Variants in RYR2 observed in about 807,000 individuals in gnomAD.
RYR2 encodes the protein ryanodine receptor 2.
Under a neutral mutation model 601.1 loss-of-function variants are expected in RYR2, and 227 were observed. The observed-to-expected ratio is 0.38, with a 90% CI of 0.34 to 0.42. RYR2 has a LOEUF of 0.42. Ranked by LOEUF, RYR2 falls within the 10% of genes least tolerant of loss-of-function variation. The pLI is 1.00. For missense variants in RYR2, 4,646 were observed against 6,156.5 expected, an observed-to-expected ratio of 0.75 and a Z score of 8.21; for synonymous variants, 2,223 against 2,175.1, an observed-to-expected ratio of 1.02 and a Z score of -0.61.
In RYR2 at chr1:237,739,713, C is replaced by T. The variant is rs1023391952; in HGVS notation, c.11092-2583C>T. On this transcript the variant is annotated intron_variant, in intron 79 of 104. Transcript: ENST00000366574. ...TTCTCTCTTCTGTCTCACCCATGAG[C>T]TCTCTGTTAGTCAGATTTAAATCCA... Among the ~76,000 whole-genome samples the T allele has an allele frequency of 2.0e-5, 3 of 152,186 alleles. No homozygotes were observed. The East Asian group carries it at 5.8e-4, about 29-fold the overall frequency.
intron 2 of RYR2, among the ~76,000 whole-genome samples, chr1:237,329,714 A>G (rs1417255763): frequency 6.6e-6 from 1 of 152,138 alleles, no homozygotes. Context: ...TCCTACGTGC[A>G]TATATTGTGT....
chr1:237,638,164 G>A (rs1470580301), intron 44 of RYR2, among the ~76,000 whole-genome samples, 193 bp from the exon 45 acceptor site: 2 of 151,548 alleles, frequency 1.3e-5, no homozygotes, highest in Non-Finnish European at 2.9e-5. Context: ...ATTTTATGAC[G>A]ATATTTAAAT....
intron 2 of RYR2, among the ~76,000 whole-genome samples, chr1:237,300,661 G>A (rs960612060): frequency 7.9e-5 from 12 of 152,120 alleles, no homozygotes; most frequent in African/African-American, 2.9e-4. Context: ...AAAGCGCTTC[G>A]CTCCTCATCT....
intron 44 of RYR2, among the ~76,000 whole-genome samples, chr1:237,636,704 T>G (rs1434613145): frequency 1.3e-5 from 2 of 152,184 alleles, no homozygotes; most frequent in Admixed American, 1.3e-4. Context: ...AAGGAAAATA[T>G]ATGTCCACAC....
intron 1 of RYR2, among the ~76,000 whole-genome samples, chr1:237,182,103 G>GTTTGTTTATTTA (rs371289277): frequency 1.9e-4 from 28 of 148,662 alleles, no homozygotes; most frequent in East Asian, 1.6e-3. Flanking sequence ...ACTCCCTGGG[G>GTTTGTTTATTTA]TTTATTTATT....
At chr1:237,768,244 G>A (rs1156367311) in intron 84 of RYR2, among the ~76,000 whole-genome samples, 3 of 152,022 alleles carry the variant, frequency 2.0e-5, no homozygotes, top group African/African-American at 2.4e-5. Context: ...AATTCAAATC[G>A]CTTTATTCAG....
chr1:237,587,378 A>G (rs1038365627), intron 29 of RYR2, among the ~76,000 whole-genome samples: 4 of 152,176 alleles, frequency 2.6e-5, no homozygotes, highest in African/African-American at 9.7e-5. Context: ...AATTTTAAAA[A>G]TGAAAGCTTG....
chr1:237,511,849 A>AAAAG, intron 24 of RYR2, 58 bp downstream of exon 24: 1 of 994,810 alleles, frequency 1.0e-6, no homozygotes, highest in South Asian at 1.8e-5. Context: ...AAAAAAAAAA[A>AAAAG]AAAAAAAAAA....
intron 56 of RYR2, among the ~76,000 whole-genome samples, chr1:237,662,538 A>G (rs1375496415): frequency 1.3e-5 from 2 of 152,118 alleles, no homozygotes; most frequent in African/African-American, 4.8e-5. Context: ...AGAAATTACT[A>G]CAAATGGAGG....
At chr1:237,243,396 GA>G (rs36089560) in intron 1 of RYR2, among the ~76,000 whole-genome samples, 45,367 of 151,966 alleles carry the variant, frequency 0.3, 6,856 homozygotes, top group Middle Eastern at 0.39. Context: ...CGGAACTCAG[GA>G]AAACACTTAT....
At chr1:237,300,277 C>T (rs1693219899) in intron 2 of RYR2, among the ~76,000 whole-genome samples, 2 of 152,188 alleles carry the variant, frequency 1.3e-5, no homozygotes, top group East Asian at 1.9e-4. Context: ...ATGTTTAAAT[C>T]GTAACTAGCA....
intron 24 of RYR2, among the ~76,000 whole-genome samples, chr1:237,522,355 G>T (rs1667174852): frequency 6.6e-6 from 1 of 152,232 alleles, no homozygotes; most frequent in Non-Finnish European, 1.5e-5. Context: ...TTATGAATTT[G>T]TGTTGGGCCA....
At chr1:237,366,702 ACACACACT>A (rs1260415642) in intron 5 of RYR2, among the ~76,000 whole-genome samples, 77 of 135,204 alleles carry the variant, frequency 5.7e-4, no homozygotes, top group Non-Finnish European at 1.1e-3. Context: ...ACACACACAC[ACACACACT>A]GTATATATAT....
chr1:237,317,613 C>A (rs1026444608), intron 2 of RYR2, among the ~76,000 whole-genome samples: 2 of 152,100 alleles, frequency 1.3e-5, no homozygotes, highest in African/African-American at 4.8e-5. Flanking sequence ...TGTATGCAAT[C>A]ATGACATTTG....
At chr1:237,128,594 G>T (rs1364918917) in intron 1 of RYR2, among the ~76,000 whole-genome samples, 1 of 152,170 alleles carries the variant, frequency 6.6e-6, no homozygotes, top group South Asian at 2.1e-4. Context: ...TTTGGACCAT[G>T]ACTTTGAGTA....
In RYR2 at chr1:237,213,287, C is replaced by T. The variant is rs559014396; in HGVS notation, c.49-57210C>T. Among the ~76,000 whole-genome samples the T allele has an allele frequency of 3.6e-3, 547 of 152,066 alleles. 2 individuals are homozygous for T. Among genetic ancestry groups the T allele is most frequent in the African/African-American group, 0.012 (487 of 41,486 alleles). ...CAACCTCCTGGGCTCAAGTGATCCT[C>T]CTGCCTCAGCCTCCCAAGTAGCTGG... On this transcript the variant is annotated intron_variant, in intron 1 of 104. Coordinates refer to ENST00000366574, the MANE Select transcript of RYR2 (RefSeq NM_001035.3).
At chr1:237,409,292 C>T (rs1432890811) in intron 10 of RYR2, among the ~76,000 whole-genome samples, 1 of 152,020 alleles carries the variant, frequency 6.6e-6, no homozygotes, top group African/African-American at 2.4e-5. Context: ...TGGCTGTAGG[C>T]ATTTTTTGTA....
chr1:237,616,551 C>T (rs1442010059), intron 37 of RYR2, among the ~76,000 whole-genome samples: 2 of 152,168 alleles, frequency 1.3e-5, no homozygotes, highest in Non-Finnish European at 2.9e-5. Context: ...ATTCTTTCTG[C>T]AGTAATCATG....
At chr1:237,585,671 A>G (rs778019694) in intron 29 of RYR2, among the ~76,000 whole-genome samples, 1 of 152,238 alleles carries the variant, frequency 6.6e-6, no homozygotes, top group African/African-American at 2.4e-5. Flanking sequence ...CCATAATTTC[A>G]GAAGTAAGAA....
Sources: gnomAD v4.1 joint callset for allele counts (sites outside exome capture counted in the v4.1 genomes callset) on GRCh38, gnomAD v4.1.1 for gene constraint, MANE v1.5 for transcripts, NCBI Gene and HGNC (gene_info 2026-07-23, HGNC 2026-07-21) for gene names.